DAB1: variants seen among roughly 807,000 people sequenced by gnomAD.
The protein encoded by DAB1 is DAB adaptor protein 1.
DAB1 carries 15 observed loss-of-function variants against 64.6 expected under a neutral mutation model. That is an observed-to-expected ratio of 0.23 (90% CI 0.16 to 0.36). The LOEUF is 0.36. DAB1 is among the 10% of genes least tolerant of loss of function. DAB1 has a pLI of 1.00. For synonymous variants in DAB1, 235 were observed against 251.9 expected (o/e 0.93, Z 0.64); for missense variants, 596 against 706.7 (o/e 0.84, Z 1.78).
At chr1:57,781,073 ATATTT>A (rs1557476781) in intron 6 of DAB1, among the ~76,000 whole-genome samples, 1 of 137,344 alleles carries the variant, frequency 7.3e-6, no homozygotes, top group African/African-American at 2.7e-5. Flanking sequence ...CATATTTTAT[ATATTT>A]GAGATCATTC....
At chr1:57,461,672 T>C (rs1686783221) in intron 7 of DAB1, among the ~76,000 whole-genome samples, 1 of 152,220 alleles carries the variant, frequency 6.6e-6, no homozygotes, top group South Asian at 2.1e-4. Context: ...TGTTACCTCT[T>C]ACTCATCTTT....
chr1:58,199,617 T>A (rs1375207337), intron 4 of DAB1, among the ~76,000 whole-genome samples: 1 of 152,188 alleles, frequency 6.6e-6, no homozygotes. Context: ...ATGCTACTAC[T>A]AGTACAACTA....
At chr1:57,008,463 A>G (rs570576148) in intron 14 of DAB1, among the ~76,000 whole-genome samples, 2 of 152,328 alleles carry the variant, frequency 1.3e-5, no homozygotes, top group South Asian at 4.1e-4. Flanking sequence ...TGATGAGGGT[A>G]GCTAGCATCT....
chr1:57,697,212 GATGAATGA>G (rs59255304), intron 6 of DAB1, among the ~76,000 whole-genome samples: 4 of 152,042 alleles, frequency 2.6e-5, no homozygotes, highest in African/African-American at 7.2e-5. Context: ...AGATCTGTCA[GATGAATGA>G]ATGAATGAAT....
chr1:57,896,183 C>T (rs1038589573), intron 5 of DAB1, among the ~76,000 whole-genome samples: 34 of 152,104 alleles, frequency 2.2e-4, no homozygotes, highest in African/African-American at 7.5e-4. Flanking sequence ...ACAACCCTTC[C>T]GGGTCTCAGT....
At chr1:57,698,574 T>A (rs1033342661) in intron 6 of DAB1, among the ~76,000 whole-genome samples, 1 of 152,222 alleles carries the variant, frequency 6.6e-6, no homozygotes, top group African/African-American at 2.4e-5. Context: ...AATGTCTAGA[T>A]CAGTGACCAG....
At chr1:58,337,595 T>A (rs1207874175) in intron 4 of DAB1, among the ~76,000 whole-genome samples, 1 of 152,190 alleles carries the variant, frequency 6.6e-6, no homozygotes, top group Non-Finnish European at 1.5e-5. Flanking sequence ...TTCTTGACCT[T>A]GGCTTCCTCA....
At chr1:57,238,895 C>CACACACACACACA (rs1558002698) in intron 2 of DAB1, among the ~76,000 whole-genome samples, 16 of 124,674 alleles carry the variant, frequency 1.3e-4, no homozygotes, top group African/African-American at 4.2e-4. Context: ...ACACACACAC[C>CACACACACACACA]CCTAACTTGA....
At chr1:57,732,414 G>A (rs186814221) in intron 6 of DAB1, among the ~76,000 whole-genome samples, 2 of 152,336 alleles carry the variant, frequency 1.3e-5, no homozygotes, top group African/African-American at 4.8e-5. Flanking sequence ...AGAGCAGCCT[G>A]AGCAGGCGGA....
intron 2 of DAB1, among the ~76,000 whole-genome samples, chr1:57,231,445 AC>A (rs925318013): frequency 4.3e-4 from 66 of 152,164 alleles, no homozygotes; most frequent in Non-Finnish European, 8.5e-4. Context: ...ATGTCTGTAC[AC>A]CCTCTATCAA....
intron 1 of DAB1, chr1:58,538,913 C>A: frequency 1.1e-6 from 1 of 872,838 alleles, no homozygotes; most frequent in Non-Finnish European, 2.0e-6. Context: ...CTTATGGAAG[C>A]AGGGCTTAGA....
At chr1:57,575,691 AC>A (rs1209262095) in intron 7 of DAB1, among the ~76,000 whole-genome samples, 2 of 152,174 alleles carry the variant, frequency 1.3e-5, no homozygotes, top group African/African-American at 4.8e-5. Context: ...TGAGCTATGA[AC>A]CTAAGACTGT....
At chr1:58,170,658 G>A (rs903871604) in intron 4 of DAB1, among the ~76,000 whole-genome samples, 2 of 152,072 alleles carry the variant, frequency 1.3e-5, no homozygotes, top group African/African-American at 4.8e-5. Flanking sequence ...TCACAAGGTG[G>A]GGCTTGTTAC....
chr1:58,250,436 G>C (rs1219162479), intron 4 of DAB1, among the ~76,000 whole-genome samples: 1 of 152,262 alleles, frequency 6.6e-6, no homozygotes, highest in Admixed American at 6.5e-5. Context: ...GGCAGCAGTA[G>C]TGGCGGTGGC....
intron 2 of DAB1, among the ~76,000 whole-genome samples, chr1:57,162,595 C>A (rs1660854637): frequency 1.3e-5 from 2 of 152,214 alleles, no homozygotes; most frequent in Admixed American, 1.3e-4. Flanking sequence ...GCAGCTACAA[C>A]TTCCATGGGG....
chr1:57,592,005 A>T (rs184076391), intron 7 of DAB1, among the ~76,000 whole-genome samples: 1 of 152,248 alleles, frequency 6.6e-6, no homozygotes, highest in Admixed American at 6.5e-5. Context: ...ATAAGCCCCA[A>T]CTTGCCTTGA....
intron 2 of DAB1, among the ~76,000 whole-genome samples, chr1:57,282,242 G>C (rs1671976939): frequency 6.7e-6 from 1 of 149,124 alleles, no homozygotes. Context: ...GGATGAACAG[G>C]AGTCGCCAAG....
chr1:57,227,040 G>A (rs1220362979), intron 2 of DAB1, among the ~76,000 whole-genome samples: 4 of 151,540 alleles, frequency 2.6e-5, no homozygotes, highest in African/African-American at 9.7e-5. Context: ...GCCATGTGTA[G>A]TAGCATGTGC....
At chr1:57,687,599 CAAAAAAAAA>C (rs57316234) in intron 6 of DAB1, among the ~76,000 whole-genome samples, 320 of 82,456 alleles carry the variant, frequency 3.9e-3, no homozygotes, top group Non-Finnish European at 6.3e-3. Flanking sequence ...TCTTAAGAAA[CAAAAAAAAA>C]AAAAAAAAAA....
Sources: gnomAD v4.1 joint callset for allele counts (sites outside exome capture counted in the v4.1 genomes callset) on GRCh38, gnomAD v4.1.1 for gene constraint, MANE v1.5 for transcripts, NCBI Gene and HGNC (gene_info 2026-07-23, HGNC 2026-07-21) for gene names.